The following CCDC192 variants were observed in gnomAD, a reference collection of about 807,000 sequenced individuals.
The protein encoded by CCDC192 is coiled-coil domain-containing protein 192.
Position 127,875,661 on chromosome 5 carries a change from G to A in CCDC192, c.535G>A (p.Glu179Lys). 1 of 398,398 alleles carries A rather than the reference G, an allele frequency of 2.5e-6. No individual in the cohort carries two copies. Among genetic ancestry groups the A allele is most frequent in the Non-Finnish European group, 4.4e-6 (1 of 225,890 alleles). 24.7% of individuals were successfully genotyped at this position (398,398 alleles called of 1,614,324 possible). A position where few individuals can be genotyped will look rare whatever the true frequency, so the allele number is the denominator to read the frequency against. The change falls in exon 6 of 7, where the codon GAA (glutamate) becomes AAA (lysine). Residue 179 changes from glutamate to lysine, a missense_variant and splice_region_variant. Physicochemically the swap from Glu to Lys is moderately conservative, Grantham distance 56. Coordinates refer to ENST00000514853, the MANE Select transcript of CCDC192 (RefSeq NM_001317938.2). ...TLYEGKPAPR[E>K]DSLLEGFCGG... ...ATATGAAGGAAAGCCAGCCCCTAGAGGTCAGTATTACCACGTGACAGATCC... is the reference window on the plus strand; with the variant it reads ...ATATGAAGGAAAGCCAGCCCCTAGAAGTCAGTATTACCACGTGACAGATCC...
chr5:127,772,954 T>A (rs1452855192), intron 3 of CCDC192, among the ~76,000 whole-genome samples: 1 of 152,054 alleles, frequency 6.6e-6, no homozygotes, highest in South Asian at 2.1e-4. Flanking sequence ...CTTCTGTTTT[T>A]TTCAGGGACT....
rs532028825 is a variant in CCDC192, at chr5:127,812,621, C to A, written c.411+14459C>A. ...CACTGTCTTCAAAAAAAATACATGTCCCTGTTGAGCCCAAGATATTACTCA... is the reference window on the plus strand; with the variant it reads ...CACTGTCTTCAAAAAAAATACATGTACCTGTTGAGCCCAAGATATTACTCA... On this transcript the variant is annotated intron_variant, in intron 5 of 6. Coordinates refer to ENST00000514853, the MANE Select transcript of CCDC192 (RefSeq NM_001317938.2). 2.6e-5 allele frequency among the ~76,000 whole-genome samples: 4 copies of A among 152,274 alleles called. No individual in the cohort carries two copies. In the South Asian group the frequency reaches 8.3e-4, roughly 32 times the overall value.
At chr5:127,912,873 C>T (rs1261468624) in intron 6 of CCDC192, among the ~76,000 whole-genome samples, 2 of 152,220 alleles carry the variant, frequency 1.3e-5, no homozygotes, top group African/African-American at 2.4e-5. Context: ...GTCAGTTCCA[C>T]ATTGCTCTAC....
In CCDC192 at chr5:127,786,494, A is replaced by G. The variant is rs1408348177; in HGVS notation, c.223-10609A>G. The G allele has an allele frequency of 4.8e-6, 3 of 630,048 alleles. No homozygotes were observed. The East Asian group carries it at 7.9e-5, about 17-fold the overall frequency. The allele number at this position is 630,048 out of a possible 1,614,324, so 39.0% of individuals were successfully genotyped here. Reference sequence around the variant, plus strand: ...GGTTTCACCATTTCCTTCCTTTTTGATCAGCTTTGAAACAGAATTTCTTAC... The same window carrying G: ...GGTTTCACCATTTCCTTCCTTTTTGGTCAGCTTTGAAACAGAATTTCTTAC... On this transcript the variant is annotated intron_variant, in intron 3 of 6. Coordinates refer to ENST00000514853, the MANE Select transcript of CCDC192 (RefSeq NM_001317938.2).
intron 5 of CCDC192, among the ~76,000 whole-genome samples, chr5:127,850,554 C>T (rs1022454378): frequency 1.3e-5 from 2 of 152,126 alleles, no homozygotes; most frequent in African/African-American, 4.8e-5. Context: ...TCCCTTGCAG[C>T]CTGGATGAAA....
At chr5:127,778,007 TTGTGTG>T (rs141839653) in intron 3 of CCDC192, among the ~76,000 whole-genome samples, 2 of 150,182 alleles carry the variant, frequency 1.3e-5, no homozygotes, top group South Asian at 4.2e-4. Flanking sequence ...ATTTATTAGC[TTGTGTG>T]TGTGTGTGTG....
At chr5:127,783,765 A>G (rs930712649) in intron 3 of CCDC192, among the ~76,000 whole-genome samples, 3 of 152,056 alleles carry the variant, frequency 2.0e-5, no homozygotes, top group Non-Finnish European at 4.4e-5. Context: ...ATTGCTGTCT[A>G]TCTCATTTCT....
chr5:127,933,547 C>T (rs527709228), intron 6 of CCDC192, among the ~76,000 whole-genome samples: 70 of 152,256 alleles, frequency 4.6e-4, no homozygotes, highest in African/African-American at 1.6e-3. Flanking sequence ...ATGAGTGATG[C>T]GAGTGGTTAG....
At chr5:127,808,323 A>G (rs776669069) in intron 5 of CCDC192, among the ~76,000 whole-genome samples, 1 of 151,912 alleles carries the variant, frequency 6.6e-6, no homozygotes, top group Non-Finnish European at 1.5e-5. Flanking sequence ...CACTTAGTAT[A>G]TCTACCTTTT....
chr5:127,792,622 C>T (rs1404997902), intron 3 of CCDC192, among the ~76,000 whole-genome samples: 1 of 151,482 alleles, frequency 6.6e-6, no homozygotes, highest in Non-Finnish European at 1.5e-5. Context: ...GGGAGGATGG[C>T]TCGAGCCCAG....
intron 2 of CCDC192, among the ~76,000 whole-genome samples, chr5:127,712,982 C>A (rs1460438723): frequency 6.6e-6 from 1 of 152,192 alleles, no homozygotes; most frequent in Non-Finnish European, 1.5e-5. Flanking sequence ...CGCCTGTAAT[C>A]CCAGCACTTT....
At position 127,840,828 on chromosome 5, in the gene CCDC192, G is replaced by C. The variant is rs187860013; in HGVS notation, c.412-34710G>C. ...CTCACTTAAGGGTTAAATCTATCAT[G>C]TTTTTAATTACTCACATATAAAGTT... On this transcript the variant is annotated intron_variant, in intron 5 of 6. Transcript: ENST00000514853. Among the ~76,000 whole-genome samples the C allele has an allele frequency of 1.9e-3, 285 of 152,256 alleles. 3 individuals carry two copies. The highest frequency in any genetic ancestry group is 5.7e-3 in the African/African-American group (235 of 41,542).
At chr5:127,855,027 G>A (rs891145653) in intron 5 of CCDC192, among the ~76,000 whole-genome samples, 2 of 152,008 alleles carry the variant, frequency 1.3e-5, no homozygotes, top group African/African-American at 2.4e-5. Flanking sequence ...ACAATTATCC[G>A]AGCCTTCAGC....
Position 127,716,875 on chromosome 5 carries a change from C to T in CCDC192, c.114+9115C>T, listed in dbSNP as rs79436161. 4.4e-3 allele frequency among the ~76,000 whole-genome samples: 676 copies of T among 152,308 alleles called. 4 individuals carry two copies. The highest frequency in any genetic ancestry group is 0.016 in the African/African-American group (652 of 41,566). On this transcript the variant is annotated intron_variant, in intron 2 of 6. Transcript: ENST00000514853. ...GGCTGAAGCCTCTGTTGTATTTTTCCTTCTCTCCTTACTTTATAGGGGCCA... is the reference window on the plus strand; with the variant it reads ...GGCTGAAGCCTCTGTTGTATTTTTCTTTCTCTCCTTACTTTATAGGGGCCA...
At chr5:127,753,602 C>T (rs940471894) in intron 2 of CCDC192, among the ~76,000 whole-genome samples, 1 of 151,384 alleles carries the variant, frequency 6.6e-6, no homozygotes, top group Non-Finnish European at 1.5e-5. Flanking sequence ...ACAGGAGAAT[C>T]GCTTGAACCC....
chr5:127,842,147 G>T (rs1228436538), intron 5 of CCDC192, among the ~76,000 whole-genome samples: 22 of 152,226 alleles, frequency 1.4e-4, no homozygotes, highest in Admixed American at 1.2e-3. Flanking sequence ...CCCAGGGCCA[G>T]CACTCAGAAG....
intron 2 of CCDC192, among the ~76,000 whole-genome samples, chr5:127,737,486 G>T (rs369640655): frequency 1.3e-5 from 2 of 151,598 alleles, no homozygotes; most frequent in Non-Finnish European, 1.5e-5. Context: ...GGGTATCCTT[G>T]TTGACTTTCT....
chr5:127,753,507 C>G (rs1435787199), intron 2 of CCDC192, among the ~76,000 whole-genome samples: 1 of 152,010 alleles, frequency 6.6e-6, no homozygotes, highest in Non-Finnish European at 1.5e-5. Flanking sequence ...ACTAGCCTGG[C>G]CAACATGGGG....
chr5:127,930,323 T>C (rs4836345), intron 6 of CCDC192, among the ~76,000 whole-genome samples: 15,276 of 152,276 alleles, frequency 0.1, 1,569 homozygotes, highest in East Asian at 0.3. Context: ...ACTGATTCAT[T>C]TTCAGATAAG....
Sources: allele counts gnomAD v4.1 joint callset (sites outside exome capture counted in the v4.1 genomes callset), GRCh38; gene constraint gnomAD v4.1.1; transcripts MANE v1.5; gene names NCBI Gene and HGNC (gene_info 2026-07-23, HGNC 2026-07-21).